NETO2: variants seen among roughly 807,000 people sequenced by gnomAD.
NETO2 encodes the protein neuropilin and tolloid-like protein 2.
In NETO2, 28 loss-of-function variants were observed where a neutral mutation model predicts 62.5. The ratio of observed to expected loss-of-function variants is 0.45; its 90% confidence interval spans 0.33 to 0.61. The LOEUF is 0.61. Ranked by LOEUF, NETO2 falls within the 20% of genes least tolerant of loss-of-function variation. NETO2 has a pLI of 0.02. For missense variants in NETO2, 548 were observed against 643.2 expected, an observed-to-expected ratio of 0.85 and a Z score of 1.60; for synonymous variants, 214 against 219.1, an observed-to-expected ratio of 0.98 and a Z score of 0.21.
At chr16:47,132,066 T>A in intron 1 of NETO2, 41 bp from the exon 2 acceptor site, 1 of 1,428,872 alleles carries the variant, frequency 7.0e-7, no homozygotes, top group Non-Finnish European at 9.8e-7. Context: ...AAATTGAATC[T>A]ATACTACATT....
chr16:47,095,826 A>G (rs1429684223), intron 7 of NETO2, among the ~76,000 whole-genome samples: 3 of 152,218 alleles, frequency 2.0e-5, no homozygotes, highest in Non-Finnish European at 4.4e-5. Flanking sequence ...TAACATATAC[A>G]GAAAATTCCA....
intron 8 of NETO2, among the ~76,000 whole-genome samples, chr16:47,085,450 C>T (rs1049052326): frequency 3.3e-5 from 5 of 151,894 alleles, no homozygotes; most frequent in African/African-American, 9.7e-5. Context: ...GGCGCAATCT[C>T]GGCTCACTGC....
At chr16:47,116,845 G>A (rs1963933464) in intron 6 of NETO2, among the ~76,000 whole-genome samples, 1 of 152,168 alleles carries the variant, frequency 6.6e-6, no homozygotes, top group Non-Finnish European at 1.5e-5. Context: ...GGGCAGCTGT[G>A]TAGCTTTTAA....
At chr16:47,103,728 T>C (rs910693212) in intron 7 of NETO2, among the ~76,000 whole-genome samples, 4 of 152,152 alleles carry the variant, frequency 2.6e-5, no homozygotes, top group Admixed American at 2.6e-4. Context: ...AGTGGTTCAA[T>C]ATACAAAAGT....
At chr16:47,096,846 TCACTGGGACTGGTTAGA>T (rs376611209) in intron 7 of NETO2, among the ~76,000 whole-genome samples, 61 of 152,314 alleles carry the variant, frequency 4.0e-4, no homozygotes, top group African/African-American at 1.3e-3. Context: ...CCAGCTCATT[TCACTGGGACTGGTTAGA>T]CAGTGGGTAC....
intron 1 of NETO2, among the ~76,000 whole-genome samples, chr16:47,139,389 C>G (rs896236991): frequency 9.9e-5 from 15 of 152,150 alleles, no homozygotes; most frequent in Non-Finnish European, 2.2e-4. Context: ...CCTGCCACCA[C>G]TGTTATTTTC....
intron 6 of NETO2, among the ~76,000 whole-genome samples, chr16:47,113,201 C>A (rs1389509321): frequency 6.6e-6 from 1 of 152,230 alleles, no homozygotes; most frequent in Non-Finnish European, 1.5e-5. Context: ...AATTTATATA[C>A]ATTTTTCTCT....
intron 7 of NETO2, among the ~76,000 whole-genome samples, chr16:47,107,020 G>C (rs1963690947): frequency 6.6e-6 from 1 of 152,174 alleles, no homozygotes. Context: ...GACCTCAAGT[G>C]ATCCGCCGAC....
chr16:47,112,921 T>C (rs776287339), intron 6 of NETO2, among the ~76,000 whole-genome samples: 1 of 152,208 alleles, frequency 6.6e-6, no homozygotes, highest in African/African-American at 2.4e-5. Flanking sequence ...TACATATCTA[T>C]AAAAATATGT....
At chr16:47,123,608 G>T (rs1048920404) in intron 4 of NETO2, among the ~76,000 whole-genome samples, 12 of 152,170 alleles carry the variant, frequency 7.9e-5, no homozygotes, top group African/African-American at 2.9e-4. Flanking sequence ...TTATTTTAAA[G>T]TTCAGATAGA....
chr16:47,087,301 GGT>G (rs772819744), intron 7 of NETO2, among the ~76,000 whole-genome samples: 1 of 152,158 alleles, frequency 6.6e-6, no homozygotes, highest in Non-Finnish European at 1.5e-5. Context: ...TGGGATTACA[GGT>G]GTGAGCCACC....
chr16:47,129,119 C>T (rs1964213829), intron 3 of NETO2, 105 bp downstream of exon 3: 1 of 1,021,192 alleles, frequency 9.8e-7, no homozygotes. Context: ...AATTCAAATA[C>T]ATGTTTAAAT....
intron 1 of NETO2, among the ~76,000 whole-genome samples, chr16:47,143,102 C>A (rs976462133): frequency 2.6e-5 from 4 of 152,066 alleles, no homozygotes; most frequent in Non-Finnish European, 5.9e-5. Flanking sequence ...GGTGCAGGCG[C>A]CGCGGGGCTA....
intron 6 of NETO2, among the ~76,000 whole-genome samples, chr16:47,114,696 C>T (rs1021048296): frequency 2.5e-4 from 38 of 151,790 alleles, no homozygotes; most frequent in Admixed American, 2.0e-3. Context: ...GAGATCCGCC[C>T]GCCTCAGCCT....
At chr16:47,124,583 G>A (rs956761259) in intron 4 of NETO2, among the ~76,000 whole-genome samples, 19 of 152,154 alleles carry the variant, frequency 1.2e-4, no homozygotes, top group Admixed American at 1.3e-4. Flanking sequence ...ATTTTGACAT[G>A]TGTTGGTTTT....
intron 6 of NETO2, among the ~76,000 whole-genome samples, chr16:47,110,412 G>A (rs762199695): frequency 5.3e-5 from 8 of 152,164 alleles, no homozygotes; most frequent in Non-Finnish European, 1.0e-4. Context: ...CTTGTTTGGC[G>A]ATTTCTCTTA....
chr16:47,114,060 G>C (rs550034676), intron 6 of NETO2, among the ~76,000 whole-genome samples: 1 of 152,140 alleles, frequency 6.6e-6, no homozygotes, highest in South Asian at 2.1e-4. Flanking sequence ...TACTTTATAG[G>C]AAACCACCAA....
rs983573852 is a variant in NETO2, at chr16:47,082,537, T to C, written c.*684A>G. ...TCTAGTATAACTGAGAAAAATATAATTGAAAGGTAATAAATCATATCATCT... is the reference window on the plus strand; with the variant it reads ...TCTAGTATAACTGAGAAAAATATAACTGAAAGGTAATAAATCATATCATCT... On this transcript the variant is annotated 3_prime_UTR_variant, in exon 9 of 9. Transcript: ENST00000562435. The C allele has an allele frequency of 2.6e-5, 4 of 152,312 alleles. No homozygotes were observed. Among genetic ancestry groups the C allele is most frequent in the South Asian group, 4.1e-4 (2 of 4,830 alleles). The allele number at this position is 152,312 out of a possible 1,614,324, so 9.4% of individuals were successfully genotyped here.
chr16:47,131,869 C>T, intron 2 of NETO2, 100 bp downstream of exon 2: 1 of 968,118 alleles, frequency 1.0e-6, no homozygotes, highest in Middle Eastern at 2.1e-4. Context: ...TGGAACACCC[C>T]AAAGGGATTA....
Sources: gnomAD v4.1 joint callset for allele counts (sites outside exome capture counted in the v4.1 genomes callset) on GRCh38, gnomAD v4.1.1 for gene constraint, MANE v1.5 for transcripts, NCBI Gene and HGNC (gene_info 2026-07-23, HGNC 2026-07-21) for gene names.